Variants in LGI1 observed in about 807,000 individuals in gnomAD.
The protein encoded by LGI1 is leucine rich glioma inactivated 1.
Under a neutral mutation model 57.7 loss-of-function variants are expected in LGI1, and 11 were observed. The observed-to-expected ratio is 0.19, with a 90% CI of 0.12 to 0.32. LGI1 has a LOEUF of 0.32. Ranked by LOEUF, LGI1 falls within the 10% of genes least tolerant of loss-of-function variation. The probability of loss-of-function intolerance (pLI) is 1.00; values close to 1 mark genes in which losing one functional copy is unlikely to be tolerated. For synonymous variants in LGI1, 222 were observed against 241.9 expected (o/e 0.92, Z 0.76); for missense variants, 422 against 661.9 (o/e 0.64, Z 3.98).
chr10:93,774,008 A>T (rs2133996361), intron 2 of LGI1, among the ~76,000 whole-genome samples: 1 of 152,224 alleles, frequency 6.6e-6, no homozygotes, highest in Non-Finnish European at 1.5e-5. Flanking sequence ...TGCTGTTGTG[A>T]GGATAGTTGT....
intron 2 of LGI1, among the ~76,000 whole-genome samples, chr10:93,773,092 A>C (rs972628380): frequency 8.6e-5 from 13 of 151,956 alleles, no homozygotes; most frequent in African/African-American, 2.9e-4. Context: ...AAAGAAACAA[A>C]AAAAAAAAAA....
chr10:93,766,031 A>C (rs978426930), intron 2 of LGI1, among the ~76,000 whole-genome samples: 3 of 152,002 alleles, frequency 2.0e-5, no homozygotes, highest in Admixed American at 6.6e-5. Context: ...ACAAACCAAT[A>C]CATTAGGTTG....
At chr10:93,777,514 T>C (rs1049843019) in intron 3 of LGI1, 32 bp from the exon 4 acceptor site, 17 of 1,610,218 alleles carry the variant, frequency 1.1e-5, no homozygotes, top group Non-Finnish European at 1.4e-5. Context: ...TTCCTGTAAC[T>C]GTTTGACAAA....
intron 4 of LGI1, among the ~76,000 whole-genome samples, chr10:93,784,033 A>C (rs1373878841): frequency 6.6e-6 from 1 of 152,204 alleles, no homozygotes; most frequent in African/African-American, 2.4e-5. Flanking sequence ...ATACATAAAT[A>C]AATAAAAGTA....
intron 2 of LGI1, chr10:93,770,456 C>T (rs887344556): frequency 2.0e-5 from 3 of 152,422 alleles, no homozygotes; most frequent in African/African-American, 7.2e-5. Flanking sequence ...CAGCCTTACC[C>T]TTGACCCCTT....
chr10:93,793,863 T>C (rs2059956323), intron 7 of LGI1: 1 of 156,120 alleles, frequency 6.4e-6, no homozygotes, highest in Admixed American at 6.2e-5. Flanking sequence ...TGTGGTCCAA[T>C]AAATTCATGA....
chr10:93,758,445 G>A lies in LGI1; in HGVS notation c.215+86G>A. ...TGGGGCTTTGCATGTATTTGTAGAAGGGCATGGAGAGAGAGATTCCTCTTG... is the reference window on the plus strand; with the variant it reads ...TGGGGCTTTGCATGTATTTGTAGAAAGGCATGGAGAGAGAGATTCCTCTTG... On this transcript the variant is annotated intron_variant, in intron 1 of 7. Coordinates refer to ENST00000371418, the MANE Select transcript of LGI1 (RefSeq NM_005097.4). This position sits in a 1 kb window ranked among gnomAD's most constrained non-coding sequence, Gnocchi z 4.7. 1 of 1,268,380 alleles carries A rather than the reference G, an allele frequency of 7.9e-7. No individual in the cohort carries two copies. Among genetic ancestry groups the A allele is most frequent in the South Asian group, 1.2e-5 (1 of 83,828 alleles). 78.6% of individuals were successfully genotyped at this position (1,268,380 alleles called of 1,614,324 possible).
chr10:93,783,436 G>A (rs1167945226), intron 4 of LGI1, among the ~76,000 whole-genome samples: 2 of 152,154 alleles, frequency 1.3e-5, no homozygotes, highest in East Asian at 1.9e-4. Flanking sequence ...CTTTGAACCA[G>A]GACCTAGAGA....
At chr10:93,779,958 C>T (rs575820534) in intron 4 of LGI1, among the ~76,000 whole-genome samples, 1 of 152,150 alleles carries the variant, frequency 6.6e-6, no homozygotes, top group South Asian at 2.1e-4. Flanking sequence ...ACGGCATTGC[C>T]AATGTTAGGC....
chr10:93,795,965 G>A (rs1180766591), intron 7 of LGI1, among the ~76,000 whole-genome samples: 3 of 152,260 alleles, frequency 2.0e-5, no homozygotes, highest in Admixed American at 6.5e-5. Context: ...CACTAGCGCT[G>A]TAGTCAGAAG....
chr10:93,784,030 A>C (rs1004897342), intron 4 of LGI1, among the ~76,000 whole-genome samples: 7 of 152,156 alleles, frequency 4.6e-5, no homozygotes, highest in African/African-American at 1.4e-4. Flanking sequence ...TAAATACATA[A>C]ATAAATAAAA....
intron 2 of LGI1, among the ~76,000 whole-genome samples, chr10:93,774,386 G>T (rs1053827015): frequency 1.3e-5 from 2 of 152,062 alleles, no homozygotes; most frequent in African/African-American, 4.8e-5. Context: ...ACAGATCTAG[G>T]TATCTCTCCC....
chr10:93,767,813 G>T (rs1054005694), intron 2 of LGI1: 6 of 152,180 alleles, frequency 3.9e-5, no homozygotes, highest in Non-Finnish European at 8.8e-5. Context: ...TTGGGAGGAA[G>T]GAGATGACTT....
chr10:93,795,022 T>C (rs1170920298), intron 7 of LGI1, among the ~76,000 whole-genome samples: 2 of 152,180 alleles, frequency 1.3e-5, no homozygotes, highest in Non-Finnish European at 2.9e-5. Context: ...AAGAAGGTCA[T>C]GCTTCCTTAG....
chr10:93,772,539 AATTG>A (rs531831846), intron 2 of LGI1: 31 of 152,324 alleles, frequency 2.0e-4, no homozygotes, highest in Non-Finnish European at 3.7e-4. Context: ...ATTTTTGAAA[AATTG>A]ATTGTCATGA....
At chr10:93,792,353 C>A (rs1300438339) in intron 5 of LGI1, 3 of 191,248 alleles carry the variant, frequency 1.6e-5, no homozygotes, top group East Asian at 1.2e-4. Context: ...AAATGATAAT[C>A]TTTTGTATGT....
At chr10:93,770,006 G>A (rs986907761) in intron 2 of LGI1, 4 of 152,274 alleles carry the variant, frequency 2.6e-5, no homozygotes, top group African/African-American at 9.6e-5. Flanking sequence ...GGGACCAAAT[G>A]AGCAGTCTAG....
chr10:93,784,065 G>T (rs1044528972), intron 4 of LGI1, among the ~76,000 whole-genome samples: 11 of 152,182 alleles, frequency 7.2e-5, no homozygotes, highest in African/African-American at 2.4e-4. Context: ...CTTACTTTGT[G>T]CCAGGCACTA....
In LGI1 at chr10:93,797,514, G is replaced by A; in HGVS notation, c.1385G>A (p.Gly462Asp). Residue 462 changes from glycine to aspartate, a missense_variant, in exon 8 of 8, where the codon GGC becomes GAC. This residue lies in a region of LGI1 where 301 missense variants were observed against 461.7 expected (regional missense o/e 0.65). Coordinates refer to ENST00000371418, the MANE Select transcript of LGI1 (RefSeq NM_005097.4). The surrounding 1 kb of genome is among the most constrained non-coding windows in gnomAD (Gnocchi z 6.5). ...IGDSKVMKWG[G>D]SSFQDIQRMP... ...GATTCCAAAGTCATGAAATGGGGAG[G>A]CTCCTCGTTCCAGGATATTCAGAGG... 1.2e-6 allele frequency: 2 copies of A among 1,614,182 alleles called. No homozygotes were observed. Among genetic ancestry groups the A allele is most frequent in the Non-Finnish European group, 1.7e-6 (2 of 1,180,038 alleles).
Sources: allele counts gnomAD v4.1 joint callset (sites outside exome capture counted in the v4.1 genomes callset), GRCh38; gene constraint gnomAD v4.1.1; regional missense constraint gnomAD v4.1.1; non-coding constraint Gnocchi (gnomAD v3.1); transcripts MANE v1.5; gene names NCBI Gene and HGNC (gene_info 2026-07-23, HGNC 2026-07-21).